UQCC1: variants seen among roughly 807,000 people sequenced by gnomAD.
UQCC1 encodes ubiquinol-cytochrome c reductase complex assembly factor 1.
In UQCC1, 38 loss-of-function variants were observed where a neutral mutation model predicts 48.0. The observed-to-expected ratio is 0.79, with a 90% confidence interval of 0.61 to 1.04. The LOEUF (loss-of-function observed/expected upper bound fraction) is 1.04. Ranked by LOEUF, UQCC1 falls within the 50% of genes least tolerant of loss-of-function variation. UQCC1 has a pLI of 0.00. For synonymous variants in UQCC1, 111 were observed against 129.2 expected, an observed-to-expected ratio of 0.86 and a Z score of 0.95; for missense variants, 368 against 381.8, an observed-to-expected ratio of 0.96 and a Z score of 0.30.
At chr20:35,313,656 C>T (rs1227444517) in intron 8 of UQCC1, among the ~76,000 whole-genome samples, 1 of 152,128 alleles carries the variant, frequency 6.6e-6, no homozygotes, top group Non-Finnish European at 1.5e-5. Flanking sequence ...TTCTGTTGCC[C>T]AGGCTGGAGT....
At chr20:35,305,362 A>G (rs888017897) in intron 9 of UQCC1, among the ~76,000 whole-genome samples, 1 of 152,226 alleles carries the variant, frequency 6.6e-6, no homozygotes, top group Non-Finnish European at 1.5e-5. Context: ...TGTAGGGACA[A>G]TGGTTGTGGC....
chr20:35,397,526 A>AG (rs2062099134), intron 1 of UQCC1, among the ~76,000 whole-genome samples: 1 of 151,868 alleles, frequency 6.6e-6, no homozygotes, highest in East Asian at 1.9e-4. Context: ...AAAAAAAAAA[A>AG]AAGAAAAAAG....
intron 2 of UQCC1, among the ~76,000 whole-genome samples, chr20:35,391,348 A>T (rs561252124): frequency 4.6e-5 from 7 of 152,310 alleles, no homozygotes; most frequent in Non-Finnish European, 2.9e-5. Context: ...GTGACCAGAC[A>T]CAGTGGCTCA....
chr20:35,397,513 CAAAAAAA>C (rs376172666), intron 1 of UQCC1, among the ~76,000 whole-genome samples: 1 of 61,018 alleles, frequency 1.6e-5, no homozygotes, highest in Non-Finnish European at 3.4e-5. Flanking sequence ...GAGACTGTCT[CAAAAAAA>C]AAAAAAAAGA....
intron 7 of UQCC1, among the ~76,000 whole-genome samples, chr20:35,326,238 C>T (rs984177316): frequency 2.6e-5 from 4 of 152,108 alleles, no homozygotes; most frequent in East Asian, 3.9e-4. Flanking sequence ...ATTTGATTAT[C>T]GAGTAGATGA....
At chr20:35,374,386 T>C in intron 4 of UQCC1, 130 bp from the exon 5 acceptor site, 1 of 534,648 alleles carries the variant, frequency 1.9e-6, no homozygotes, top group Middle Eastern at 3.0e-4. Context: ...CTAGGTAATT[T>C]AAACCAATAT....
At chr20:35,306,923 C>G (rs1423473459) in intron 8 of UQCC1, 144 bp from the exon 9 acceptor site, 1 of 708,640 alleles carries the variant, frequency 1.4e-6, no homozygotes, top group Non-Finnish European at 2.6e-6. Flanking sequence ...GGCAGTCACA[C>G]AGTAGAGGTG....
chr20:35,395,468 C>G (rs1284736659), intron 1 of UQCC1, among the ~76,000 whole-genome samples: 1 of 151,494 alleles, frequency 6.6e-6, no homozygotes, highest in Non-Finnish European at 1.5e-5. Flanking sequence ...AAAAAAAAAC[C>G]CATAAACTCA....
chr20:35,396,606 C>A (rs1016139833), intron 1 of UQCC1, among the ~76,000 whole-genome samples: 1 of 152,124 alleles, frequency 6.6e-6, no homozygotes, highest in African/African-American at 2.4e-5. Flanking sequence ...AGTGGGAAAA[C>A]ACACGTGGGC....
chr20:35,407,171 T>C (rs1384075611), intron 1 of UQCC1, among the ~76,000 whole-genome samples: 1 of 152,196 alleles, frequency 6.6e-6, no homozygotes, highest in Non-Finnish European at 1.5e-5. Context: ...CTCACACCTG[T>C]AACCCCAGCA....
At chr20:35,388,718 G>C (rs1238466162) in intron 2 of UQCC1, among the ~76,000 whole-genome samples, 1 of 152,168 alleles carries the variant, frequency 6.6e-6, no homozygotes, top group Non-Finnish European at 1.5e-5. Flanking sequence ...CAACAACACA[G>C]GCTCATGCAC....
chr20:35,382,102 T>G, intron 3 of UQCC1, 77 bp from the exon 4 acceptor site: 2 of 883,880 alleles, frequency 2.3e-6, no homozygotes, highest in Admixed American at 4.6e-5. Context: ...TCATCAGGTC[T>G]GAGAGCATTT....
chr20:35,379,085 A>G (rs1429164402), intron 4 of UQCC1, among the ~76,000 whole-genome samples: 1 of 152,170 alleles, frequency 6.6e-6, no homozygotes, highest in Non-Finnish European at 1.5e-5. Flanking sequence ...ATGGAAACCT[A>G]TTCTATGGCA....
chr20:35,333,813 T>C (rs2061285285), intron 7 of UQCC1, among the ~76,000 whole-genome samples: 1 of 151,644 alleles, frequency 6.6e-6, no homozygotes, highest in African/African-American at 2.4e-5. Context: ...GGCTGCAACG[T>C]TCTCTGATGT....
At chr20:35,377,893 T>G (rs1006464750) in intron 4 of UQCC1, among the ~76,000 whole-genome samples, 1 of 152,218 alleles carries the variant, frequency 6.6e-6, no homozygotes, top group Non-Finnish European at 1.5e-5. Flanking sequence ...GTGCTCATGC[T>G]ATGGCAATCA....
chr20:35,313,233 G>A (rs1343749746), intron 8 of UQCC1, among the ~76,000 whole-genome samples: 5 of 151,834 alleles, frequency 3.3e-5, no homozygotes, highest in South Asian at 2.1e-4. Context: ...AAAATTAGCC[G>A]GGTGTGGTGG....
chr20:35,329,713 C>G lies in UQCC1; in HGVS notation c.574-14948G>C, dbSNP rs139714971. The stretch of plus-strand genomic sequence containing the variant: ...TTTTTTACATAGCCCCACCCAGATC[C>G]TGGCGGAGCTACTGCCCTCTGGTGG... On this transcript the variant is annotated intron_variant, in intron 7 of 9. Coordinates refer to ENST00000374385, the MANE Select transcript of UQCC1 (RefSeq NM_018244.5). 6.6e-5 allele frequency among the ~76,000 whole-genome samples: 10 copies of G among 152,352 alleles called. No individual in the cohort carries two copies. In the East Asian group the frequency reaches 1.9e-3, roughly 29 times the overall value.
intron 7 of UQCC1, among the ~76,000 whole-genome samples, chr20:35,333,248 C>T (rs184695648): frequency 1.1e-3 from 162 of 152,290 alleles, no homozygotes; most frequent in African/African-American, 3.7e-3. Context: ...ACACTCCCAA[C>T]TCTATCACAA....
At position 35,411,919 on chromosome 20, in the gene UQCC1, GA is replaced by G; in HGVS notation, c.24+20del. 1 of 1,614,170 alleles carries G rather than the reference GA, an allele frequency of 6.2e-7. No homozygotes were observed. Among genetic ancestry groups the G allele is most frequent in the South Asian group, 1.1e-5 (1 of 91,084 alleles). ...ACCCGGGACCCAGAGAGCTACCGTA[GA>G]AAATTACTCCTTCACTCACAAGGAC... On this transcript the variant is annotated intron_variant, in intron 1 of 9. Transcript: ENST00000374385.
Sources: allele counts gnomAD v4.1 joint callset (sites outside exome capture counted in the v4.1 genomes callset), GRCh38; gene constraint gnomAD v4.1.1; transcripts MANE v1.5; gene names NCBI Gene and HGNC (gene_info 2026-07-23, HGNC 2026-07-21).